The following ASIC2 variants were observed in gnomAD, a reference collection of about 807,000 sequenced individuals.
ASIC2 encodes the protein acid sensing ion channel subunit 2.
Under a neutral mutation model 57.3 loss-of-function variants are expected in ASIC2, and 25 were observed. The ratio of observed to expected loss-of-function variants is 0.44; its 90% CI spans 0.32 to 0.61. The LOEUF is 0.61. Among genes scored for constraint, ASIC2 ranks in the 20% least tolerant of loss-of-function variants. The pLI is 0.06. For missense variants in ASIC2, 641 were observed against 738.1 expected, an observed-to-expected ratio of 0.87 and a Z score of 1.52; for synonymous variants, 319 against 307.5, an observed-to-expected ratio of 1.04 and a Z score of -0.39.
At chr17:33,903,927 G>A (rs1478701151) in intron 1 of ASIC2, among the ~76,000 whole-genome samples, 1 of 152,098 alleles carries the variant, frequency 6.6e-6, no homozygotes, top group Non-Finnish European at 1.5e-5. Context: ...ACTTTGGGAG[G>A]CCAAGGCTTG....
intron 3 of ASIC2, among the ~76,000 whole-genome samples, chr17:33,058,611 A>G (rs1164375798): frequency 6.6e-6 from 1 of 151,912 alleles, no homozygotes; most frequent in Non-Finnish European, 1.5e-5. Flanking sequence ...TTTCTTGTCT[A>G]TGACTGTCAG....
rs549433237 is a variant in ASIC2 at position 33,190,274 on chromosome 17, T to C, written c.709-78207A>G. On this transcript the variant is annotated intron_variant, in intron 1 of 9. Transcript: ENST00000225823. ...CTATATAAACGGTTGGAAATTAAAA[T>C]AAAAAACCATTTACAATAGTATTAT... is the stretch of plus-strand genomic sequence containing the variant. 3.3e-5 allele frequency among the ~76,000 whole-genome samples: 5 copies of C among 152,212 alleles called. No individual in the cohort carries two copies. In the East Asian group the frequency reaches 9.6e-4, roughly 29 times the overall value.
In ASIC2 at chr17:33,269,600, C is replaced by G; in HGVS notation, c.708+21808G>C. Among the ~76,000 whole-genome samples the G allele has an allele frequency of 1.5e-5, 2 of 135,926 alleles. 1 individual carries two copies. The highest frequency in any genetic ancestry group is 3.3e-5 in the Non-Finnish European group (2 of 61,482). The allele number at this position is 135,926 out of a possible 152,430, so 89.2% of individuals were successfully genotyped here. ...TAAGGTCTTTCATTGTTTCTGGAAC[C>G]TAAGGGCTCCTTCCCTTCCTTCCTT... On this transcript the variant is annotated intron_variant, in intron 1 of 9. Transcript: ENST00000225823.
chr17:33,098,310 A>G (rs150501752), intron 2 of ASIC2, among the ~76,000 whole-genome samples: 19 of 152,338 alleles, frequency 1.2e-4, no homozygotes, highest in African/African-American at 3.4e-4. Flanking sequence ...ATTGCTGCCT[A>G]TCTAAAATTG....
At chr17:33,723,501 G>T (rs1376130518) in intron 1 of ASIC2, among the ~76,000 whole-genome samples, 1 of 151,970 alleles carries the variant, frequency 6.6e-6, no homozygotes, top group Non-Finnish European at 1.5e-5. Context: ...GCTAATTTTT[G>T]CATTTCTATT....
At chr17:33,322,592 T>C (rs547929792) in intron 1 of ASIC2, among the ~76,000 whole-genome samples, 9 of 152,326 alleles carry the variant, frequency 5.9e-5, no homozygotes, top group African/African-American at 1.9e-4. Flanking sequence ...TCCATAATTT[T>C]CTGAAAGCCT....
Position 33,687,290 on chromosome 17 carries a change from A to T in ASIC2, c.555+468688T>A, listed in dbSNP as rs573503131. On this transcript the variant is annotated intron_variant, in intron 1 of 9. Transcript: ENST00000359872. The stretch of plus-strand genomic sequence containing the variant: ...AGGGAGTTGTAGCAGAGCCCTAGGG[A>T]GTTGGAATCTGGAGGGAGAGGATCA... Among the ~76,000 whole-genome samples, 28 of 152,194 alleles carry T rather than the reference A, an allele frequency of 1.8e-4. No individual in the cohort carries two copies. In the South Asian group the frequency reaches 5.8e-3, roughly 32 times the overall value.
Position 34,151,117 on chromosome 17 carries a change from A to AT in ASIC2, c.555+4860_555+4861insA, listed in dbSNP as rs200864675. Among the ~76,000 whole-genome samples the AT allele has an allele frequency of 6.0e-3, 895 of 148,254 alleles. 12 individuals carry two copies. The highest frequency in any genetic ancestry group is 0.02 in the African/African-American group (812 of 41,114). ...GACTCCATCTCAAGAAAAAAAAAAA[A>AT]AAAAAAAATAAAGAGGTAGAGTAGG... On this transcript the variant is annotated intron_variant, in intron 1 of 9. Coordinates refer to the ASIC2 transcript ENST00000359872.
chr17:33,932,713 C>CAAAAA lies in ASIC2; in HGVS notation c.555+223260_555+223264dup, dbSNP rs869134623. 49 of 44,062 alleles carry CAAAAA rather than the reference C, an allele frequency of 1.1e-3. 6 individuals are homozygous for CAAAAA. The highest frequency in any genetic ancestry group is 1.7e-3 in the African/African-American group (16 of 9,252). 2.7% of individuals were successfully genotyped at this position (44,062 alleles called of 1,614,324 possible). A position where few individuals can be genotyped will look rare whatever the true frequency, so the allele number is the denominator to read the frequency against. ...GGGCAACAAAAGCGAAACTTTGTTT[C>CAAAAA]AAAAAAAAAAAAAAAAAAAAAAAAA... On this transcript the variant is annotated intron_variant, in intron 1 of 9. Transcript: ENST00000359872.
At chr17:33,836,636 C>T (rs890489225) in intron 1 of ASIC2, among the ~76,000 whole-genome samples, 1 of 152,038 alleles carries the variant, frequency 6.6e-6, no homozygotes. Flanking sequence ...AGGTGGATCA[C>T]AAGATCAGGA....
chr17:33,105,256 T>C (rs548868026), intron 2 of ASIC2, among the ~76,000 whole-genome samples: 1 of 152,136 alleles, frequency 6.6e-6, no homozygotes, highest in Non-Finnish European at 1.5e-5. Context: ...AACTGAATCA[T>C]GGGGGTAGGT....
At chr17:34,016,837 AGATC>A (rs1261901330) in intron 1 of ASIC2, among the ~76,000 whole-genome samples, 1 of 152,236 alleles carries the variant, frequency 6.6e-6, no homozygotes, top group Non-Finnish European at 1.5e-5. Context: ...GATAGATCAC[AGATC>A]AACAACAATT....
intron 1 of ASIC2, among the ~76,000 whole-genome samples, chr17:34,129,047 G>A (rs1394668846): frequency 6.6e-6 from 1 of 151,992 alleles, no homozygotes; most frequent in Non-Finnish European, 1.5e-5. Flanking sequence ...AGATCAGTGT[G>A]CAGAGTGATG....
intron 1 of ASIC2, among the ~76,000 whole-genome samples, chr17:33,488,128 G>A (rs1435756981): frequency 6.6e-6 from 1 of 152,146 alleles, no homozygotes; most frequent in Non-Finnish European, 1.5e-5. Context: ...TTTTTCTACA[G>A]AGCTGAGCTA....
At chr17:33,565,759 G>C (rs1446624326) in intron 1 of ASIC2, 1 of 152,252 alleles carries the variant, frequency 6.6e-6, no homozygotes, top group Admixed American at 6.5e-5. Flanking sequence ...TCTTCTAAGA[G>C]ACTCATAAGA....
intron 1 of ASIC2, among the ~76,000 whole-genome samples, chr17:33,774,819 T>A (rs1911216660): frequency 6.6e-6 from 1 of 152,158 alleles, no homozygotes; most frequent in African/African-American, 2.4e-5. Flanking sequence ...AGACTGAATA[T>A]CTTTATGGTC....
chr17:33,510,897 A>G (rs1486941412), intron 1 of ASIC2, among the ~76,000 whole-genome samples: 2 of 152,206 alleles, frequency 1.3e-5, no homozygotes, highest in Non-Finnish European at 2.9e-5. Context: ...TCTCTGAGAC[A>G]GAGACCCAGC....
intron 1 of ASIC2, among the ~76,000 whole-genome samples, chr17:33,480,077 A>G (rs889850071): frequency 6.6e-6 from 1 of 152,204 alleles, no homozygotes; most frequent in Non-Finnish European, 1.5e-5. Context: ...ACCCATGTCT[A>G]AAACAAATCT....
At chr17:33,046,955 G>T (rs1291994007) in intron 3 of ASIC2, among the ~76,000 whole-genome samples, 1 of 152,238 alleles carries the variant, frequency 6.6e-6, no homozygotes, top group Non-Finnish European at 1.5e-5. Flanking sequence ...CAACCCCGGA[G>T]CCCAGGCTCA....
Sources: gnomAD v4.1 joint callset for allele counts (sites outside exome capture counted in the v4.1 genomes callset) on GRCh38, gnomAD v4.1.1 for gene constraint, MANE v1.5 for transcripts, NCBI Gene and HGNC (gene_info 2026-07-23, HGNC 2026-07-21) for gene names.